Variants in COL21A1 observed in about 807,000 individuals in gnomAD.
The protein encoded by COL21A1 is collagen alpha-1(XXI) chain.
COL21A1 carries 149 observed loss-of-function variants against 137.9 expected under a neutral mutation model. The ratio of observed to expected loss-of-function variants is 1.08; its 90% CI spans 0.95 to 1.24. The LOEUF (loss-of-function observed/expected upper bound fraction) is 1.24. Ranked by LOEUF, COL21A1 falls within the 50% of genes most tolerant of loss-of-function variation. COL21A1 has a pLI of 0.00. For synonymous variants in COL21A1, 456 were observed against 391.5 expected (o/e 1.16, Z -1.95); for missense variants, 1,167 against 1,158.4 (o/e 1.01, Z -0.11).
At chr6:56,193,209 T>A (rs1778809811) in intron 1 of COL21A1, among the ~76,000 whole-genome samples, 1 of 152,110 alleles carries the variant, frequency 6.6e-6, no homozygotes, top group Non-Finnish European at 1.5e-5. Flanking sequence ...ATTCCCAATG[T>A]AGGTGACAGG....
chr6:56,139,837 G>A (rs999757476), intron 12 of COL21A1, among the ~76,000 whole-genome samples: 2 of 152,040 alleles, frequency 1.3e-5, no homozygotes, highest in Non-Finnish European at 2.9e-5. Flanking sequence ...TGGATGCTGA[G>A]GACAATGGGA....
intron 28 of COL21A1, 89 bp from the exon 29 acceptor site, chr6:56,059,331 G>GA: frequency 1.3e-6 from 1 of 784,392 alleles, no homozygotes. Context: ...ACACATGAAA[G>GA]AAAAATGTCT....
intron 1 of COL21A1, among the ~76,000 whole-genome samples, chr6:56,355,644 T>G (rs796881547): frequency 1.4e-4 from 22 of 152,350 alleles, no homozygotes; most frequent in African/African-American, 5.3e-4. Context: ...AATGGTATTG[T>G]GATTTTTAAG....
intron 9 of COL21A1, among the ~76,000 whole-genome samples, chr6:56,164,190 C>A (rs1344300667): frequency 2.0e-5 from 3 of 152,116 alleles, no homozygotes; most frequent in African/African-American, 7.2e-5. Flanking sequence ...ACAAATAATA[C>A]TGTCTCAGTT....
chr6:56,136,279 T>C (rs1483997646), intron 12 of COL21A1, among the ~76,000 whole-genome samples: 1 of 152,210 alleles, frequency 6.6e-6, no homozygotes, highest in African/African-American at 2.4e-5. Context: ...GCCACAAGCA[T>C]GTGGGTTTGC....
intron 1 of COL21A1, among the ~76,000 whole-genome samples, chr6:56,313,729 T>C (rs1441391316): frequency 1.3e-5 from 2 of 152,150 alleles, no homozygotes; most frequent in Non-Finnish European, 2.9e-5. Context: ...GCATAGCCAT[T>C]TGGATCCTTG....
chr6:56,147,078 C>T (rs1417304640), intron 10 of COL21A1, among the ~76,000 whole-genome samples: 1 of 152,102 alleles, frequency 6.6e-6, no homozygotes, highest in African/African-American at 2.4e-5. Flanking sequence ...AATTAGGTTA[C>T]ACTTAAACTT....
intron 23 of COL21A1, among the ~76,000 whole-genome samples, chr6:56,067,004 A>G (rs199745352): frequency 3.6e-5 from 1 of 27,770 alleles, no homozygotes; most frequent in African/African-American, 1.8e-4. Context: ...TGTATGTGGT[A>G]TATATATATA....
At chr6:56,224,422 C>T (rs922278934) in intron 1 of COL21A1, among the ~76,000 whole-genome samples, 3 of 152,000 alleles carry the variant, frequency 2.0e-5, no homozygotes, top group African/African-American at 7.2e-5. Flanking sequence ...AACGTGGAGG[C>T]TTACAATTTT....
intron 1 of COL21A1, among the ~76,000 whole-genome samples, chr6:56,225,511 A>G (rs946154317): frequency 3.0e-4 from 45 of 152,182 alleles, no homozygotes; most frequent in African/African-American, 1.0e-3. Context: ...AATGTACTTG[A>G]CAGCAGAGAC....
intron 20 of COL21A1, among the ~76,000 whole-genome samples, chr6:56,071,152 T>A (rs1766717145): frequency 6.6e-6 from 1 of 151,540 alleles, no homozygotes; most frequent in Admixed American, 6.6e-5. Context: ...GAGATCCTCA[T>A]CATTATCCTG....
intron 9 of COL21A1, among the ~76,000 whole-genome samples, chr6:56,163,035 ATCTT>A (rs559697320): frequency 6.6e-6 from 1 of 152,344 alleles, no homozygotes; most frequent in East Asian, 1.9e-4. Flanking sequence ...TAAATTCCAT[ATCTT>A]TCTTTATTTT....
At chr6:56,238,727 G>A (rs970622746) in intron 1 of COL21A1, among the ~76,000 whole-genome samples, 37 of 152,082 alleles carry the variant, frequency 2.4e-4, no homozygotes, top group African/African-American at 8.5e-4. Context: ...GTGGATAATG[G>A]CTAAAATCTG....
At chr6:56,093,194 CG>C (rs1259377768) in intron 17 of COL21A1, among the ~76,000 whole-genome samples, 1 of 151,928 alleles carries the variant, frequency 6.6e-6, no homozygotes, top group Non-Finnish European at 1.5e-5. Context: ...GCTGATGTCT[CG>C]GGGAAGGGTA....
At chr6:56,184,360 G>A (rs1181215055) in intron 1 of COL21A1, among the ~76,000 whole-genome samples, 2 of 151,968 alleles carry the variant, frequency 1.3e-5, no homozygotes, top group Non-Finnish European at 2.9e-5. Flanking sequence ...AATAAACTGA[G>A]CATTCAATCA....
intron 1 of COL21A1, among the ~76,000 whole-genome samples, chr6:56,333,110 AGTTCTATTGAGGTATAACTGACATACAAT>A (rs1350998000): frequency 1.3e-5 from 2 of 152,094 alleles, no homozygotes; most frequent in African/African-American, 2.4e-5. Context: ...TTTTTGAAAC[AGTTCTATTGAGGTATAACTGACATACAAT>A]AAACTACACA....
intron 1 of COL21A1, among the ~76,000 whole-genome samples, chr6:56,236,930 C>T (rs975093032): frequency 7.9e-5 from 12 of 151,988 alleles, no homozygotes; most frequent in African/African-American, 2.9e-4. Flanking sequence ...CTGGTGGTGC[C>T]TCTCCATCTT....
chr6:56,380,551 G>A (rs1197915028), intron 1 of COL21A1, among the ~76,000 whole-genome samples: 4 of 152,052 alleles, frequency 2.6e-5, no homozygotes, highest in South Asian at 4.2e-4. Flanking sequence ...CAGGGCCTTC[G>A]TGGTCACTCA....
intron 1 of COL21A1, among the ~76,000 whole-genome samples, chr6:56,305,518 G>A (rs1211452781): frequency 6.6e-6 from 1 of 151,996 alleles, no homozygotes; most frequent in East Asian, 1.9e-4. Flanking sequence ...GATCTTTGTT[G>A]GTTTAAAGTC....
Sources: gnomAD v4.1 joint callset for allele counts (sites outside exome capture counted in the v4.1 genomes callset) on GRCh38, gnomAD v4.1.1 for gene constraint, MANE v1.5 for transcripts, NCBI Gene and HGNC (gene_info 2026-07-23, HGNC 2026-07-21) for gene names.